SPAG16: variants seen among roughly 807,000 people sequenced by gnomAD.
SPAG16 encodes the protein sperm-associated antigen 16 protein.
SPAG16 carries 86 observed loss-of-function variants against 80.4 expected under a neutral mutation model. That is an observed-to-expected ratio of 1.07 (90% CI 0.90 to 1.28). The LOEUF is 1.28. SPAG16 is among the 50% of genes most tolerant of loss of function. The pLI, the probability that SPAG16 is intolerant of heterozygous loss-of-function variation, is 0.00. For missense variants in SPAG16, 870 were observed against 765.3 expected, an observed-to-expected ratio of 1.14 and a Z score of -1.61; for synonymous variants, 294 against 265.9, an observed-to-expected ratio of 1.11 and a Z score of -1.03.
intron 14 of SPAG16, among the ~76,000 whole-genome samples, chr2:214,146,828 G>A (rs1044598567): frequency 1.1e-4 from 17 of 151,948 alleles, no homozygotes; most frequent in Admixed American, 5.3e-4. Context: ...GTGAAACCCC[G>A]TCTCTACTAA....
chr2:213,475,795 C>A (rs2073341163), intron 9 of SPAG16, among the ~76,000 whole-genome samples: 1 of 152,166 alleles, frequency 6.6e-6, no homozygotes, highest in South Asian at 2.1e-4. Context: ...GAAATAGATC[C>A]TTCTCAAACA....
At chr2:213,580,155 G>T (rs546430082) in intron 10 of SPAG16, among the ~76,000 whole-genome samples, 1 of 151,930 alleles carries the variant, frequency 6.6e-6, no homozygotes, top group African/African-American at 2.4e-5. Flanking sequence ...ACCCAGAGAG[G>T]AATATCCTTA....
At chr2:213,299,095 A>G (rs1177111356) in intron 3 of SPAG16, among the ~76,000 whole-genome samples, 1 of 152,076 alleles carries the variant, frequency 6.6e-6, no homozygotes, top group African/African-American at 2.4e-5. Flanking sequence ...AACAAGATAT[A>G]TTTTCTTCTC....
intron 15 of SPAG16, among the ~76,000 whole-genome samples, chr2:214,338,790 T>C (rs1179175950): frequency 2.6e-5 from 4 of 152,176 alleles, no homozygotes; most frequent in Non-Finnish European, 5.9e-5. Flanking sequence ...TCCTAACTAT[T>C]TATGATTCTC....
intron 9 of SPAG16, among the ~76,000 whole-genome samples, chr2:213,422,679 A>T (rs1044240560): frequency 7.9e-5 from 12 of 152,190 alleles, no homozygotes; most frequent in Non-Finnish European, 2.9e-5. Flanking sequence ...CACCCTCTGT[A>T]CACACAAGAA....
intron 15 of SPAG16, among the ~76,000 whole-genome samples, chr2:214,337,932 T>A (rs1450939574): frequency 6.6e-6 from 1 of 152,174 alleles, no homozygotes; most frequent in African/African-American, 2.4e-5. Flanking sequence ...AGCAAAGAAC[T>A]TGGATTCCTG....
chr2:214,079,772 G>A (rs1041448393), intron 13 of SPAG16, among the ~76,000 whole-genome samples: 2 of 152,174 alleles, frequency 1.3e-5, no homozygotes, highest in Admixed American at 1.3e-4. Flanking sequence ...ATCTGGGAAT[G>A]GGAGACAAGA....
intron 10 of SPAG16, among the ~76,000 whole-genome samples, chr2:213,666,476 G>A (rs2063607443): frequency 6.6e-6 from 1 of 152,038 alleles, no homozygotes; most frequent in African/African-American, 2.4e-5. Flanking sequence ...ATAAAACCTA[G>A]GACTGCATGT....
intron 15 of SPAG16, among the ~76,000 whole-genome samples, chr2:214,302,933 G>T (rs2125958849): frequency 6.6e-6 from 1 of 152,234 alleles, no homozygotes; most frequent in Non-Finnish European, 1.5e-5. Flanking sequence ...TGTAACATAA[G>T]AAAAGCTACT....
chr2:213,371,441 G>A (rs7608811), intron 8 of SPAG16, among the ~76,000 whole-genome samples: 126,731 of 144,700 alleles, frequency 0.88, 57,521 homozygotes, highest in East Asian at 1. Context: ...CGATTTATTG[G>A]TTAAGTGGTT....
At chr2:214,213,784 T>A (rs572860006) in intron 15 of SPAG16, among the ~76,000 whole-genome samples, 1 of 152,336 alleles carries the variant, frequency 6.6e-6, no homozygotes, top group African/African-American at 2.4e-5. Flanking sequence ...GGTATACTAC[T>A]ATCTCCTCAA....
At chr2:213,370,494 T>C (rs1207123185) in intron 8 of SPAG16, among the ~76,000 whole-genome samples, 1 of 152,184 alleles carries the variant, frequency 6.6e-6, no homozygotes. Flanking sequence ...TAATCAGATA[T>C]AAATATTAAA....
chr2:213,541,810 T>C (rs1377977096), intron 10 of SPAG16, among the ~76,000 whole-genome samples: 1 of 152,224 alleles, frequency 6.6e-6, no homozygotes, highest in Non-Finnish European at 1.5e-5. Context: ...TCTTCCCTTG[T>C]CTATAGAAAG....
intron 13 of SPAG16, among the ~76,000 whole-genome samples, chr2:214,030,623 G>C (rs565555982): frequency 6.6e-6 from 1 of 152,304 alleles, no homozygotes; most frequent in East Asian, 1.9e-4. Flanking sequence ...TGTCTTTCAA[G>C]TTAATTTAAG....
rs2052573515 is a variant in SPAG16 at position 214,096,144 on chromosome 2, A to T, written c.1528-12052A>T. 2.6e-5 allele frequency among the ~76,000 whole-genome samples: 4 copies of T among 151,638 alleles called. No individual in the cohort carries two copies. In the South Asian group the frequency reaches 8.3e-4, roughly 31 times the overall value. Reference sequence around the variant, plus strand: ...GGCTTATCAGGGGCAAGTGAGATTGACTCTGAACTTTAATATTTATTTGTA... The same window carrying T: ...GGCTTATCAGGGGCAAGTGAGATTGTCTCTGAACTTTAATATTTATTTGTA... On this transcript the variant is annotated intron_variant, in intron 13 of 15. Coordinates refer to ENST00000331683, the MANE Select transcript of SPAG16 (RefSeq NM_024532.5).
chr2:213,784,662 A>T (rs930498143), intron 10 of SPAG16, among the ~76,000 whole-genome samples: 10 of 140,252 alleles, frequency 7.1e-5, no homozygotes, highest in Admixed American at 1.4e-4. Flanking sequence ...AAGAACTGTG[A>T]GAGCTCCGTG....
intron 15 of SPAG16, among the ~76,000 whole-genome samples, chr2:214,163,265 A>G (rs1202637768): frequency 2.0e-5 from 3 of 152,006 alleles, no homozygotes; most frequent in Admixed American, 1.3e-4. Context: ...ATCTCACATT[A>G]AAGTTGGCAA....
chr2:213,408,342 A>C lies in SPAG16; in HGVS notation c.942+33223A>C, dbSNP rs187438153. On this transcript the variant is annotated intron_variant, in intron 9 of 15. Transcript: ENST00000331683. ...TAGTAATCTGCGGATGGCCAAATGC[A>C]TTCAATCTGTAGCAGCAACTGCTTT... Among the ~76,000 whole-genome samples the C allele has an allele frequency of 2.2e-4, 34 of 152,340 alleles. No individual in the cohort carries two copies. The East Asian group carries it at 6.2e-3, about 28-fold the overall frequency.
At chr2:213,926,421 A>C (rs2106229722) in intron 11 of SPAG16, among the ~76,000 whole-genome samples, 1 of 151,968 alleles carries the variant, frequency 6.6e-6, no homozygotes, top group East Asian at 1.9e-4. Context: ...AAGTCCCCAA[A>C]GTCCATTGTA....
Sources: allele counts gnomAD v4.1 joint callset (sites outside exome capture counted in the v4.1 genomes callset), GRCh38; gene constraint gnomAD v4.1.1; transcripts MANE v1.5; gene names NCBI Gene and HGNC (gene_info 2026-07-23, HGNC 2026-07-21).